Variants in TBC1D14 observed in about 807,000 individuals in gnomAD.
TBC1D14 encodes TBC1 domain family, member 14.
TBC1D14 carries 26 observed loss-of-function variants against 79.0 expected under a neutral mutation model. The ratio of observed to expected loss-of-function variants is 0.33; its 90% CI spans 0.24 to 0.46. TBC1D14 has a LOEUF of 0.46. Among genes scored for constraint, TBC1D14 ranks in the 20% least tolerant of loss-of-function variants. The pLI is 1.00. For synonymous variants in TBC1D14, 394 were observed against 349.9 expected (o/e 1.13, Z -1.40); for missense variants, 769 against 887.6 (o/e 0.87, Z 1.70).
chr4:7,023,950 G>A (rs929048734), intron 12 of TBC1D14, among the ~76,000 whole-genome samples: 1 of 152,162 alleles, frequency 6.6e-6, no homozygotes, highest in Admixed American at 6.5e-5. Flanking sequence ...GGCCTTCCTC[G>A]ACTTTTACTG....
At chr4:7,027,530 ACAT>A (rs1237106769) in intron 13 of TBC1D14, among the ~76,000 whole-genome samples, 1 of 142,428 alleles carries the variant, frequency 7.0e-6, no homozygotes, top group Non-Finnish European at 1.5e-5. Flanking sequence ...CCCCACACAC[ACAT>A]CACATACACA....
At chr4:7,004,443 G>A (rs557354887) in intron 7 of TBC1D14, among the ~76,000 whole-genome samples, 36 of 152,332 alleles carry the variant, frequency 2.4e-4, no homozygotes, top group Middle Eastern at 6.8e-3. Context: ...CGGTCATTGA[G>A]ACATTCCTTG....
At chr4:6,953,335 CA>C (rs1163089614) in intron 2 of TBC1D14, among the ~76,000 whole-genome samples, 2 of 132,676 alleles carry the variant, frequency 1.5e-5, no homozygotes, top group Non-Finnish European at 3.3e-5. Context: ...AAGAATAGAT[CA>C]GTTGGCCGGG....
intron 3 of TBC1D14, among the ~76,000 whole-genome samples, chr4:6,969,499 G>A (rs1053296228): frequency 6.6e-6 from 1 of 151,896 alleles, no homozygotes; most frequent in African/African-American, 2.4e-5. Flanking sequence ...TCCGCCTCCC[G>A]GATTCATGTC....
intron 2 of TBC1D14, among the ~76,000 whole-genome samples, chr4:6,932,266 A>C (rs1711829643): frequency 6.6e-6 from 1 of 152,022 alleles, no homozygotes; most frequent in Non-Finnish European, 1.5e-5. Flanking sequence ...AGGCTGAGGC[A>C]GGAGAATTGC....
At chr4:6,945,059 T>G (rs984639860) in intron 2 of TBC1D14, among the ~76,000 whole-genome samples, 2 of 152,200 alleles carry the variant, frequency 1.3e-5, no homozygotes, top group Non-Finnish European at 1.5e-5. Flanking sequence ...TGTTCACTAG[T>G]GCCATATAGA....
intron 3 of TBC1D14, among the ~76,000 whole-genome samples, chr4:6,968,885 C>T (rs897430128): frequency 6.6e-5 from 10 of 152,328 alleles, no homozygotes; most frequent in Middle Eastern, 3.4e-3. Context: ...CCCAGTGCTG[C>T]GTCGTGGGGT....
intron 3 of TBC1D14, among the ~76,000 whole-genome samples, chr4:6,981,927 A>G (rs2109100158): frequency 6.6e-6 from 1 of 152,370 alleles, no homozygotes; most frequent in South Asian, 2.1e-4. Context: ...TAATGGAGAA[A>G]GACTGAAGGC....
At position 6,994,212 on chromosome 4, in the gene TBC1D14, G is replaced by C; in HGVS notation, c.872G>C (p.Ser291Thr). Residue 291 changes from serine to threonine, a missense_variant, in exon 4 of 14, where the codon AGC (serine) becomes ACC (threonine). This residue lies in a region of TBC1D14 where 402 missense variants were observed against 393.2 expected (regional missense o/e 1.02). Coordinates refer to ENST00000409757, the MANE Select transcript of TBC1D14 (RefSeq NM_020773.3). ...TATGAAGACAAGGCTGGAAGACCTA[G>C]CAAGCCACCCTCTCCAAAGCAGAAT... is the stretch of plus-strand genomic sequence containing the variant. ...KEYEDKAGRP[S>T]KPPSPKQNVR... 1 of 1,614,166 alleles carries C rather than the reference G, an allele frequency of 6.2e-7. No homozygotes were observed.
chr4:6,977,039 CCCTCTCCCT>C (rs1354731180), intron 3 of TBC1D14, among the ~76,000 whole-genome samples: 2 of 127,632 alleles, frequency 1.6e-5, no homozygotes, highest in Non-Finnish European at 1.7e-5. Flanking sequence ...TCCCTCCTCT[CCCTCTCCCT>C]CCTCTCCCTC....
intron 7 of TBC1D14, 119 bp from the exon 8 acceptor site, chr4:7,004,725 A>T: frequency 1.2e-6 from 1 of 808,480 alleles, no homozygotes; most frequent in South Asian, 1.6e-5. Context: ...CCTGTTAAGT[A>T]TGCATTAAGC....
At chr4:6,962,555 T>C (rs1003188007) in intron 2 of TBC1D14, among the ~76,000 whole-genome samples, 5 of 152,064 alleles carry the variant, frequency 3.3e-5, no homozygotes, top group African/African-American at 9.7e-5. Context: ...AGGAGTTTCT[T>C]CTTCCCACTG....
At chr4:6,977,601 G>A (rs1377342191) in intron 3 of TBC1D14, among the ~76,000 whole-genome samples, 1 of 148,244 alleles carries the variant, frequency 6.7e-6, no homozygotes, top group Admixed American at 6.7e-5. Flanking sequence ...GATGTGAGGA[G>A]CCTCTCTGCC....
chr4:6,959,098 G>A (rs1030177547), intron 2 of TBC1D14, among the ~76,000 whole-genome samples: 1 of 151,650 alleles, frequency 6.6e-6, no homozygotes, highest in African/African-American at 2.4e-5. Context: ...TTTTAGCCGG[G>A]ATGGTCTGCA....
At chr4:6,985,314 C>T (rs147865985) in intron 3 of TBC1D14, among the ~76,000 whole-genome samples, 201 of 152,266 alleles carry the variant, frequency 1.3e-3, no homozygotes, top group African/African-American at 4.3e-3. Flanking sequence ...AACCAGGATC[C>T]AGTCAGGTTT....
chr4:6,959,039 A>G (rs1364994745), intron 2 of TBC1D14, among the ~76,000 whole-genome samples: 1 of 151,968 alleles, frequency 6.6e-6, no homozygotes, highest in African/African-American at 2.4e-5. Flanking sequence ...GCCTGCCACT[A>G]CGCCCGGCTA....
In TBC1D14 at chr4:7,006,841, G is replaced by T. The variant is rs546455147; in HGVS notation, c.1446+115G>T. 8.8e-5 allele frequency: 69 copies of T among 781,452 alleles called. No homozygotes were observed. The highest frequency in any genetic ancestry group is 1.3e-4 in the Non-Finnish European group (61 of 481,570). 48.4% of individuals were successfully genotyped at this position (781,452 alleles called of 1,614,324 possible). On this transcript the variant is annotated intron_variant, in intron 9 of 13. Transcript: ENST00000409757. ...GTACTTGGGTTTTTGGGGGTGTTAG[G>T]AGGTAGGGTGGATGTTACTATTAAA...
At chr4:6,940,931 A>G (rs749076071) in intron 2 of TBC1D14, among the ~76,000 whole-genome samples, 36 of 152,196 alleles carry the variant, frequency 2.4e-4, no homozygotes, top group Non-Finnish European at 4.8e-4. Flanking sequence ...GAATGAACAA[A>G]TGAATGGTAA....
At chr4:6,975,317 TC>T (rs1275336921) in intron 3 of TBC1D14, among the ~76,000 whole-genome samples, 2 of 152,164 alleles carry the variant, frequency 1.3e-5, no homozygotes, top group African/African-American at 4.8e-5. Context: ...CAAGCGATCC[TC>T]CCATCTCAGC....
Sources: allele counts gnomAD v4.1 joint callset (sites outside exome capture counted in the v4.1 genomes callset), GRCh38; gene constraint gnomAD v4.1.1; regional missense constraint gnomAD v4.1.1; transcripts MANE v1.5; gene names NCBI Gene and HGNC (gene_info 2026-07-23, HGNC 2026-07-21).